The following SORCS3 variants were observed in gnomAD, a reference collection of about 807,000 sequenced individuals.
The protein encoded by SORCS3 is sortilin related VPS10 domain containing receptor 3.
SORCS3 carries 57 observed loss-of-function variants against 146.3 expected under a neutral mutation model. That is an observed-to-expected ratio of 0.39 (90% CI 0.31 to 0.49). The LOEUF (loss-of-function observed/expected upper bound fraction) is 0.49. SORCS3 is among the 20% of genes least tolerant of loss of function. The pLI is 0.92. For missense variants in SORCS3, 1,341 were observed against 1,575.5 expected (o/e 0.85, Z 2.52); for synonymous variants, 653 against 618.5 (o/e 1.06, Z -0.83).
chr10:104,823,988 A>T (rs893580308), intron 1 of SORCS3, among the ~76,000 whole-genome samples: 1 of 152,132 alleles, frequency 6.6e-6, no homozygotes, highest in African/African-American at 2.4e-5. Flanking sequence ...ACTGAAGGGG[A>T]CCATGAGTCA....
At chr10:105,214,089 G>A (rs1057322872) in intron 17 of SORCS3, among the ~76,000 whole-genome samples, 4 of 152,144 alleles carry the variant, frequency 2.6e-5, no homozygotes, top group Admixed American at 6.5e-5. Context: ...AGAAGCACCT[G>A]CTTTTCCCAT....
chr10:104,819,786 T>G (rs1421758652), intron 1 of SORCS3, among the ~76,000 whole-genome samples: 4 of 152,022 alleles, frequency 2.6e-5, no homozygotes, highest in Non-Finnish European at 5.9e-5. Flanking sequence ...GGAAGAGAAG[T>G]TGAGGGCTGG....
intron 20 of SORCS3, among the ~76,000 whole-genome samples, chr10:105,231,290 C>T (rs576524076): frequency 1.3e-5 from 2 of 152,162 alleles, no homozygotes; most frequent in African/African-American, 2.4e-5. Context: ...TCCTTGGTAT[C>T]GTGTTTTTAA....
intron 20 of SORCS3, among the ~76,000 whole-genome samples, chr10:105,228,013 G>A (rs1249098876): frequency 6.6e-6 from 1 of 150,662 alleles, no homozygotes; most frequent in Admixed American, 6.6e-5. Context: ...GTGTGTGTGT[G>A]TGTGTGTGTG....
intron 4 of SORCS3, among the ~76,000 whole-genome samples, chr10:105,035,976 T>G (rs556501387): frequency 6.6e-6 from 1 of 152,174 alleles, no homozygotes; most frequent in East Asian, 1.9e-4. Flanking sequence ...TACATTCTTA[T>G]GGAGTTGTCT....
chr10:104,989,660 G>T (rs1180164108), intron 4 of SORCS3, among the ~76,000 whole-genome samples: 1 of 152,166 alleles, frequency 6.6e-6, no homozygotes, highest in Non-Finnish European at 1.5e-5. Context: ...TGATGCAAGT[G>T]GGATGGGGGA....
intron 1 of SORCS3, among the ~76,000 whole-genome samples, chr10:104,810,056 T>C (rs1564689000): frequency 6.6e-6 from 1 of 152,214 alleles, no homozygotes; most frequent in Non-Finnish European, 1.5e-5. Flanking sequence ...AGAAAGCATG[T>C]TCTTGTTTAA....
intron 5 of SORCS3, among the ~76,000 whole-genome samples, chr10:105,045,097 T>C (rs946686444): frequency 6.6e-6 from 1 of 151,322 alleles, no homozygotes; most frequent in Non-Finnish European, 1.5e-5. Flanking sequence ...GAACAAACTC[T>C]TGAGATGATA....
chr10:104,935,376 T>C (rs1021846953), intron 3 of SORCS3, among the ~76,000 whole-genome samples: 26 of 152,186 alleles, frequency 1.7e-4, no homozygotes, highest in African/African-American at 5.3e-4. Context: ...TCTTTAGGAT[T>C]ACCTGGAGGA....
At chr10:105,254,666 G>T (rs1589712764) in intron 23 of SORCS3, among the ~76,000 whole-genome samples, 1 of 151,940 alleles carries the variant, frequency 6.6e-6, no homozygotes, top group South Asian at 2.1e-4. Flanking sequence ...TGGCGTGGTG[G>T]CACGTGCCTA....
chr10:104,821,096 C>T (rs144628321), intron 1 of SORCS3, among the ~76,000 whole-genome samples: 45 of 152,236 alleles, frequency 3.0e-4, no homozygotes, highest in South Asian at 1.5e-3. Context: ...ATTTGTACTC[C>T]GGCTTGTGCA....
chr10:104,727,819 G>A (rs986027880), intron 1 of SORCS3, among the ~76,000 whole-genome samples: 3 of 152,054 alleles, frequency 2.0e-5, no homozygotes, highest in South Asian at 2.1e-4. Context: ...ATAGGAGCAT[G>A]AACCTTACTG....
At chr10:105,175,214 A>C (rs903012419) in intron 13 of SORCS3, among the ~76,000 whole-genome samples, 10 of 134,640 alleles carry the variant, frequency 7.4e-5, no homozygotes, top group African/African-American at 2.8e-4. Context: ...TGCTTGGCTA[A>C]TTTTTTTTTT....
intron 3 of SORCS3, among the ~76,000 whole-genome samples, chr10:104,964,866 C>T (rs1027233023): frequency 6.6e-6 from 1 of 152,102 alleles, no homozygotes; most frequent in Admixed American, 6.6e-5. Flanking sequence ...AACAACAACT[C>T]CTCATTTCTC....
chr10:104,901,199 T>C (rs2133590166), intron 2 of SORCS3, among the ~76,000 whole-genome samples: 1 of 152,314 alleles, frequency 6.6e-6, no homozygotes, highest in Admixed American at 6.5e-5. Context: ...GACATTGTGA[T>C]AAATGCTTCA....
intron 5 of SORCS3, among the ~76,000 whole-genome samples, chr10:105,088,612 G>A (rs1163945044): frequency 6.6e-6 from 1 of 152,170 alleles, no homozygotes; most frequent in African/African-American, 2.4e-5. Flanking sequence ...TACCCTGGAT[G>A]CCATCAGCCC....
At chr10:105,076,552 G>A (rs532041997) in intron 5 of SORCS3, among the ~76,000 whole-genome samples, 24 of 152,306 alleles carry the variant, frequency 1.6e-4, no homozygotes, top group Non-Finnish European at 2.8e-4. Flanking sequence ...CATGCTGGGT[G>A]CACAGGCAGC....
chr10:105,221,452 A>G (rs1203689280), intron 19 of SORCS3, among the ~76,000 whole-genome samples: 1 of 152,218 alleles, frequency 6.6e-6, no homozygotes, highest in Non-Finnish European at 1.5e-5. Flanking sequence ...ATGGTACTTT[A>G]AACAACCACA....
intron 4 of SORCS3, among the ~76,000 whole-genome samples, chr10:105,015,343 G>A (rs975950853): frequency 6.6e-6 from 1 of 152,160 alleles, no homozygotes; most frequent in African/African-American, 2.4e-5. Context: ...TCTTGTTATA[G>A]CAAAAAGGCT....
Sources: gnomAD v4.1 joint callset for allele counts (sites outside exome capture counted in the v4.1 genomes callset) on GRCh38, gnomAD v4.1.1 for gene constraint, MANE v1.5 for transcripts, NCBI Gene and HGNC (gene_info 2026-07-23, HGNC 2026-07-21) for gene names.